The following KIRREL3 variants were observed in gnomAD, a reference collection of about 807,000 sequenced individuals.
The protein encoded by KIRREL3 is kin of IRRE-like protein 3.
Under a neutral mutation model 89.7 loss-of-function variants are expected in KIRREL3, and 36 were observed. The observed-to-expected ratio is 0.40, with a 90% confidence interval of 0.31 to 0.53. The LOEUF is 0.53. Among genes scored for constraint, KIRREL3 ranks in the 20% least tolerant of loss-of-function variants. KIRREL3 has a pLI of 0.49. For missense variants in KIRREL3, 864 were observed against 1,056.6 expected (o/e 0.82, Z 2.53); for synonymous variants, 445 against 441.4 (o/e 1.01, Z -0.10).
intron 1 of KIRREL3, among the ~76,000 whole-genome samples, chr11:126,914,252 T>C (rs1946946888): frequency 6.6e-6 from 1 of 152,046 alleles, no homozygotes; most frequent in South Asian, 2.1e-4. Context: ...ACTTGTGACA[T>C]GAAAGAGGGA....
At position 126,476,291 on chromosome 11, in the gene KIRREL3, G is replaced by A. The variant is rs1591603270; in HGVS notation, c.434-2825C>T. ...CAGGACTTTGGGGAGCTCCCCAGGG[G>A]GTCCCATGGCAGGACCAGCTTTCTG... is the stretch of plus-strand genomic sequence containing the variant. On this transcript the variant is annotated intron_variant, in intron 4 of 16. Coordinates refer to ENST00000525144, the MANE Select transcript of KIRREL3 (RefSeq NM_032531.4). This position sits in a 1 kb window ranked among gnomAD's most constrained non-coding sequence, Gnocchi z 6.4. Among the ~76,000 whole-genome samples the A allele has an allele frequency of 6.6e-6, 1 of 152,210 alleles. No homozygotes were observed. The highest frequency in any genetic ancestry group is 1.5e-5 in the Non-Finnish European group (1 of 68,042).
chr11:126,714,655 C>T (rs572582801), intron 1 of KIRREL3, among the ~76,000 whole-genome samples: 103 of 152,242 alleles, frequency 6.8e-4, no homozygotes, highest in African/African-American at 1.9e-3. Flanking sequence ...CAGAGTTGCA[C>T]GGTGGGCTGA....
chr11:126,469,126 C>G (rs564048966), intron 5 of KIRREL3, among the ~76,000 whole-genome samples: 64 of 152,228 alleles, frequency 4.2e-4, no homozygotes, highest in Non-Finnish European at 8.8e-4. Flanking sequence ...CATTGTATGG[C>G]AAGGACAGGG....
At chr11:126,435,177 G>C in intron 13 of KIRREL3, 91 bp downstream of exon 13, 1 of 1,356,984 alleles carries the variant, frequency 7.4e-7, no homozygotes, top group Non-Finnish European at 1.0e-6. Context: ...GCCAGCACAG[G>C]CCTCCCTACC....
At chr11:126,514,850 A>G (rs1255988422) in intron 4 of KIRREL3, among the ~76,000 whole-genome samples, 1 of 108,980 alleles carries the variant, frequency 9.2e-6, no homozygotes, top group Non-Finnish European at 2.1e-5. Context: ...AACACAACAC[A>G]ACACAACACA....
rs905186155 is a variant in KIRREL3 at position 126,754,350 on chromosome 11, A to G, written c.56-191438T>C. ...TAAAGATGTTCACTGCTGAAACAGC[A>G]TTCCTCAGAACGTACCTCTCTAACT... On this transcript the variant is annotated intron_variant, in intron 1 of 16. Transcript: ENST00000525144. The surrounding 1 kb of genome is among the most constrained non-coding windows in gnomAD (Gnocchi z 5.1). 1.3e-5 allele frequency among the ~76,000 whole-genome samples: 2 copies of G among 152,240 alleles called. No homozygotes were observed. The highest frequency in any genetic ancestry group is 2.9e-5 in the Non-Finnish European group (2 of 68,040).
chr11:126,712,816 A>C (rs1482689206), intron 1 of KIRREL3, among the ~76,000 whole-genome samples: 1 of 152,238 alleles, frequency 6.6e-6, no homozygotes, highest in Non-Finnish European at 1.5e-5. Context: ...AAAATGAAAA[A>C]TGGTCCAGAG....
rs776785754 is a variant in KIRREL3, at chr11:126,435,295, T to C, written c.1561A>G (p.Met521Val). The change falls in exon 13 of 17, where the codon ATG (methionine) becomes GTG (valine). Residue 521 changes from methionine to valine, a missense_variant. Met to Val is a conservative substitution (Grantham distance 21). Coordinates refer to ENST00000525144, the MANE Select transcript of KIRREL3 (RefSeq NM_032531.4). ...GCTTCCAGCCCGGCTCCCGACTTCA[T>C]TTCCGAACCTGTTTGGAAATAAAGC... ...IIRLKEQGSEMKSGAGLEAES... is the reference protein window; with the variant it reads ...IIRLKEQGSEVKSGAGLEAES... 16 of 1,613,776 alleles carry C rather than the reference T, an allele frequency of 9.9e-6. 1 individual carries two copies. The South Asian group carries it at 1.2e-4, about 12-fold the overall frequency.
Position 126,724,229 on chromosome 11 carries a change from A to C in KIRREL3, c.56-161317T>G, listed in dbSNP as rs1049576188. Reference sequence around the variant, plus strand: ...TTGCTTCTGCCACGGCAAGGAGAAGATCACTTTCTGTGTAAGATTTCTGAT... The same window carrying C: ...TTGCTTCTGCCACGGCAAGGAGAAGCTCACTTTCTGTGTAAGATTTCTGAT... On this transcript the variant is annotated intron_variant, in intron 1 of 16. Transcript: ENST00000525144. The surrounding 1 kb of genome is among the most constrained non-coding windows in gnomAD (Gnocchi z 4.3). 2.0e-4 allele frequency among the ~76,000 whole-genome samples: 30 copies of C among 152,224 alleles called. No individual in the cohort carries two copies. Among genetic ancestry groups the C allele is most frequent in the African/African-American group, 7.0e-4 (29 of 41,440 alleles).
rs1945795106 is a variant in KIRREL3 at position 126,668,737 on chromosome 11, CTTTCTTTCTTTCTTTCTTTTTTCTCTT to C, written c.56-105852_56-105826del. Among the ~76,000 whole-genome samples, 12 of 118,416 alleles carry C rather than the reference CTTTCTTTCTTTCTTTCTTTTTTCTCTT, an allele frequency of 1.0e-4. No homozygotes were observed. In the South Asian group the frequency reaches 4.2e-3, roughly 42 times the overall value. 77.7% of individuals were successfully genotyped at this position (118,416 alleles called of 152,430 possible). Reference sequence around the variant, plus strand: ...TCTTTCTTTCTTTCTTTCTTTCTTTCTTTCTTTCTTTCTTTCTTTTTTCTCTTTCTTTCTTTCAAAAAAGTTCAATTC... The same window carrying C: ...TCTTTCTTTCTTTCTTTCTTTCTTTCTCTTTCTTTCAAAAAAGTTCAATTC... On this transcript the variant is annotated intron_variant, in intron 1 of 16. Coordinates refer to ENST00000525144, the MANE Select transcript of KIRREL3 (RefSeq NM_032531.4). This position sits in a 1 kb window ranked among gnomAD's most constrained non-coding sequence, Gnocchi z 4.4.
At chr11:126,863,403 G>GTGTGTT (rs1378095859) in intron 1 of KIRREL3, among the ~76,000 whole-genome samples, 2 of 130,182 alleles carry the variant, frequency 1.5e-5, no homozygotes, top group Non-Finnish European at 3.3e-5. Context: ...GTGTGAGTGC[G>GTGTGTT]TGAGTGCGTG....
chr11:126,695,535 CTG>C (rs753255872), intron 1 of KIRREL3, among the ~76,000 whole-genome samples: 133 of 152,266 alleles, frequency 8.7e-4, no homozygotes, highest in Non-Finnish European at 9.1e-4. Context: ...CACCACACCG[CTG>C]TCTCTCCAGG....
Position 126,527,761 on chromosome 11 carries a change from G to A in KIRREL3, c.134-1074C>T, listed in dbSNP as rs1273790832. Among the ~76,000 whole-genome samples the A allele has an allele frequency of 6.6e-6, 1 of 152,114 alleles. No individual in the cohort carries two copies. The highest frequency in any genetic ancestry group is 1.5e-5 in the Non-Finnish European group (1 of 68,022). On this transcript the variant is annotated intron_variant, in intron 2 of 16. Coordinates refer to ENST00000525144, the MANE Select transcript of KIRREL3 (RefSeq NM_032531.4). This position sits in a 1 kb window ranked among gnomAD's most constrained non-coding sequence, Gnocchi z 4.2. ...GGAACTGTCTAGTGGGAGTTGGGGT[G>A]GGTGGTGCGGTGAATCCAAGTCTTT...
intron 1 of KIRREL3, among the ~76,000 whole-genome samples, chr11:126,875,429 A>T (rs1793679): frequency 2.0e-5 from 3 of 152,148 alleles, no homozygotes; most frequent in Non-Finnish European, 4.4e-5. Context: ...TTGTTTAAAC[A>T]AAACTGAGTG....
chr11:126,720,924 G>T (rs1948146151), intron 1 of KIRREL3, among the ~76,000 whole-genome samples: 1 of 152,196 alleles, frequency 6.6e-6, no homozygotes, highest in Non-Finnish European at 1.5e-5. Flanking sequence ...AAGGGCAGGG[G>T]CAGGGAACAA....
At chr11:126,583,968 C>A (rs631711) in intron 1 of KIRREL3, among the ~76,000 whole-genome samples, 44,034 of 151,894 alleles carry the variant, frequency 0.29, 6,534 homozygotes, top group Admixed American at 0.36. Context: ...ATTTCCTCCG[C>A]GGCAACTATC....
chr11:126,843,360 A>G lies in KIRREL3; in HGVS notation c.55+157095T>C, dbSNP rs1450847083. 1.3e-5 allele frequency among the ~76,000 whole-genome samples: 2 copies of G among 152,204 alleles called. No individual in the cohort carries two copies. The highest frequency in any genetic ancestry group is 2.9e-5 in the Non-Finnish European group (2 of 68,036). ...GGAAGATCTCCAAGTGTAAAGGTGC[A>G]TGAGAAATGCTTCCAGTGAGTGAGA... On this transcript the variant is annotated intron_variant, in intron 1 of 16. Coordinates refer to ENST00000525144, the MANE Select transcript of KIRREL3 (RefSeq NM_032531.4). The surrounding 1 kb of genome is among the most constrained non-coding windows in gnomAD (Gnocchi z 4.6).
rs1468867414 is a variant in KIRREL3, at chr11:126,513,208, A to G, written c.433+8107T>C. Among the ~76,000 whole-genome samples the G allele has an allele frequency of 6.6e-6, 1 of 152,054 alleles. No individual in the cohort carries two copies. Among genetic ancestry groups the G allele is most frequent in the Admixed American group, 6.6e-5 (1 of 15,262 alleles). ...AGTAGACCATGAGTGGGCTCCTAAG[A>G]ACCTCCCCAGCTTCCCTTGTCCTGG... On this transcript the variant is annotated intron_variant, in intron 4 of 16. Transcript: ENST00000525144. The surrounding 1 kb of genome is among the most constrained non-coding windows in gnomAD (Gnocchi z 5.9).
rs1398925564 is a variant in KIRREL3, at chr11:126,807,751, C to T, written c.55+192704G>A. Among the ~76,000 whole-genome samples, 1 of 152,214 alleles carries T rather than the reference C, an allele frequency of 6.6e-6. No homozygotes were observed. The highest frequency in any genetic ancestry group is 1.5e-5 in the Non-Finnish European group (1 of 68,034). Reference sequence around the variant, plus strand: ...TCTGAGATTCTTCTACATGTCTACTCTGATGTGGTTGGAGAGTCCTTTAAT... The same window carrying T: ...TCTGAGATTCTTCTACATGTCTACTTTGATGTGGTTGGAGAGTCCTTTAAT... On this transcript the variant is annotated intron_variant, in intron 1 of 16. Transcript: ENST00000525144. The surrounding 1 kb of genome is among the most constrained non-coding windows in gnomAD (Gnocchi z 4.3).
Sources: gnomAD v4.1 joint callset for allele counts (sites outside exome capture counted in the v4.1 genomes callset) on GRCh38, gnomAD v4.1.1 for gene constraint, Gnocchi (gnomAD v3.1) non-coding constraint, MANE v1.5 for transcripts, NCBI Gene and HGNC (gene_info 2026-07-23, HGNC 2026-07-21) for gene names.